Variants in GPC5 observed in about 807,000 individuals in gnomAD.
GPC5 encodes glypican-5.
A neutral mutation model predicts 53.9 loss-of-function variants in GPC5; 47 were observed. The ratio of observed to expected loss-of-function variants is 0.87; its 90% CI spans 0.69 to 1.11. The LOEUF (loss-of-function observed/expected upper bound fraction) is 1.11. Ranked by LOEUF, GPC5 falls within the 50% of genes most tolerant of loss-of-function variation. The probability of loss-of-function intolerance (pLI) is 0.00; values close to 1 mark genes in which losing one functional copy is unlikely to be tolerated. For missense variants in GPC5, 748 were observed against 713.1 expected, an observed-to-expected ratio of 1.05 and a Z score of -0.56; for synonymous variants, 286 against 263.3, an observed-to-expected ratio of 1.09 and a Z score of -0.84.
chr13:92,369,730 A>G (rs924215213), intron 7 of GPC5, among the ~76,000 whole-genome samples: 4 of 152,226 alleles, frequency 2.6e-5, no homozygotes, highest in Non-Finnish European at 5.9e-5. Flanking sequence ...CTGCCTAATC[A>G]CACACCATTA....
intron 7 of GPC5, among the ~76,000 whole-genome samples, chr13:92,316,251 C>T (rs909791792): frequency 2.0e-5 from 3 of 151,960 alleles, no homozygotes; most frequent in African/African-American, 7.2e-5. Flanking sequence ...TCTTTCTATC[C>T]AGTAAATGGT....
rs192523336 is a variant in GPC5, at chr13:92,752,761, C to T, written c.1562-113521C>T. On this transcript the variant is annotated intron_variant, in intron 7 of 7. Transcript: ENST00000377067. ...CCTGGAAAATCGGGTCACTTCCACC[C>T]GAATACTGCACTTTTCCAACGGGCT... Among the ~76,000 whole-genome samples the T allele has an allele frequency of 1.7e-3, 257 of 152,212 alleles. 2 individuals carry two copies. The highest frequency in any genetic ancestry group is 9.4e-4 in the Non-Finnish European group (64 of 68,010).
intron 5 of GPC5, among the ~76,000 whole-genome samples, chr13:91,819,866 T>C (rs1048910141): frequency 3.9e-5 from 6 of 152,240 alleles, no homozygotes; most frequent in East Asian, 1.9e-4. Flanking sequence ...TCTCATGATA[T>C]GAGATGACAT....
chr13:91,775,990 A>AT (rs1206179523), intron 5 of GPC5, among the ~76,000 whole-genome samples: 2 of 152,196 alleles, frequency 1.3e-5, no homozygotes, highest in African/African-American at 4.8e-5. Flanking sequence ...TGCCACTAAA[A>AT]TTTCTTTCCC....
chr13:91,583,540 G>A (rs1363462386), intron 2 of GPC5, among the ~76,000 whole-genome samples: 1 of 152,046 alleles, frequency 6.6e-6, no homozygotes, highest in East Asian at 1.9e-4. Flanking sequence ...CATGGGAAAG[G>A]TGAAATATTA....
intron 4 of GPC5, among the ~76,000 whole-genome samples, chr13:91,753,169 C>T (rs890555898): frequency 6.6e-6 from 1 of 151,938 alleles, no homozygotes; most frequent in Non-Finnish European, 1.5e-5. Context: ...TATTCTGGAC[C>T]GTAGAGACAG....
chr13:91,540,387 A>G (rs370414511), intron 2 of GPC5, among the ~76,000 whole-genome samples: 13 of 152,196 alleles, frequency 8.5e-5, no homozygotes, highest in Admixed American at 3.3e-4. Context: ...GTATGATTCT[A>G]TTTATGTAAA....
intron 7 of GPC5, among the ~76,000 whole-genome samples, chr13:92,717,504 A>C (rs1006194652): frequency 1.3e-5 from 2 of 152,180 alleles, no homozygotes; most frequent in Non-Finnish European, 2.9e-5. Flanking sequence ...ATCCAGAATT[A>C]ATTTGGGGAG....
At chr13:92,648,257 A>G (rs1885839722) in intron 7 of GPC5, among the ~76,000 whole-genome samples, 1 of 152,068 alleles carries the variant, frequency 6.6e-6, no homozygotes, top group Admixed American at 6.6e-5. Flanking sequence ...CTGAGTTACT[A>G]CAAATGAAAC....
intron 7 of GPC5, among the ~76,000 whole-genome samples, chr13:92,796,209 G>A (rs972889694): frequency 1.3e-5 from 2 of 152,064 alleles, no homozygotes; most frequent in Admixed American, 1.3e-4. Flanking sequence ...CATGTCCTTT[G>A]CAGGGACATG....
chr13:92,586,979 C>CAT (rs397780709), intron 7 of GPC5, among the ~76,000 whole-genome samples: 4 of 151,734 alleles, frequency 2.6e-5, no homozygotes, highest in Non-Finnish European at 4.4e-5. Context: ...CACACACACA[C>CAT]GCACACACAC....
chr13:91,468,138 A>G (rs1451089686), intron 2 of GPC5, among the ~76,000 whole-genome samples: 1 of 152,144 alleles, frequency 6.6e-6, no homozygotes, highest in African/African-American at 2.4e-5. Context: ...GCAGCTGTGC[A>G]TGTTGCTTCC....
chr13:91,484,990 G>A (rs1253018215), intron 2 of GPC5, among the ~76,000 whole-genome samples: 1 of 152,226 alleles, frequency 6.6e-6, no homozygotes, highest in Non-Finnish European at 1.5e-5. Flanking sequence ...CCAGTAAGAT[G>A]TGTATGATCT....
intron 7 of GPC5, among the ~76,000 whole-genome samples, chr13:92,174,759 A>G (rs1220080756): frequency 6.6e-6 from 1 of 152,034 alleles, no homozygotes; most frequent in Non-Finnish European, 1.5e-5. Context: ...CAGAAGAAAA[A>G]ACAAATAGCG....
intron 7 of GPC5, among the ~76,000 whole-genome samples, chr13:92,399,667 T>C (rs1875466835): frequency 6.6e-6 from 1 of 152,166 alleles, no homozygotes; most frequent in South Asian, 2.1e-4. Flanking sequence ...TATTGCAATA[T>C]TGAGCACAGC....
At chr13:92,387,763 G>A (rs915483006) in intron 7 of GPC5, among the ~76,000 whole-genome samples, 1 of 152,124 alleles carries the variant, frequency 6.6e-6, no homozygotes, top group African/African-American at 2.4e-5. Context: ...GCTTCAACAA[G>A]TTAATTAACC....
At chr13:91,839,765 A>C (rs2038763176) in intron 5 of GPC5, among the ~76,000 whole-genome samples, 1 of 152,226 alleles carries the variant, frequency 6.6e-6, no homozygotes, top group Middle Eastern at 3.4e-3. Context: ...ATTTCAATTA[A>C]TATGAATTAT....
At chr13:92,096,049 A>G (rs1443651552) in intron 6 of GPC5, among the ~76,000 whole-genome samples, 3 of 152,066 alleles carry the variant, frequency 2.0e-5, no homozygotes, top group Admixed American at 6.5e-5. Context: ...TTTTTCTTCT[A>G]CTCTGTGTTT....
At chr13:92,703,650 A>T (rs1045936493) in intron 7 of GPC5, among the ~76,000 whole-genome samples, 3 of 150,168 alleles carry the variant, frequency 2.0e-5, no homozygotes, top group Non-Finnish European at 4.4e-5. Flanking sequence ...AGATGTTATA[A>T]GTTTATTTAA....
Sources: allele counts gnomAD v4.1 joint callset (sites outside exome capture counted in the v4.1 genomes callset), GRCh38; gene constraint gnomAD v4.1.1; transcripts MANE v1.5; gene names NCBI Gene and HGNC (gene_info 2026-07-23, HGNC 2026-07-21).